The following DPH6 variants were observed in gnomAD, a reference collection of about 807,000 sequenced individuals.
DPH6 encodes the protein diphthine--ammonia ligase.
Under a neutral mutation model 38.2 loss-of-function variants are expected in DPH6, and 33 were observed. That is an observed-to-expected ratio of 0.86 (90% CI 0.65 to 1.15). The LOEUF (loss-of-function observed/expected upper bound fraction) is 1.15, where lower values mean the gene tolerates loss of function less well. Ranked by LOEUF, DPH6 falls within the 50% of genes most tolerant of loss-of-function variation. The pLI is 0.00. For synonymous variants in DPH6, 108 were observed against 103.0 expected, an observed-to-expected ratio of 1.05 and a Z score of -0.30; for missense variants, 325 against 320.0, an observed-to-expected ratio of 1.02 and a Z score of -0.12.
the DPH6 span, among the ~76,000 whole-genome samples, chr15:35,146,197 T>C: frequency 1.3e-5 from 2 of 152,136 alleles, no homozygotes; most frequent in African/African-American, 4.8e-5. Flanking sequence ...AAAGTAACGT[T>C]ACTTTTATGA....
At chr15:35,349,953 G>C (rs1358858600) in intron 3 of DPH6, among the ~76,000 whole-genome samples, 1 of 152,100 alleles carries the variant, frequency 6.6e-6, no homozygotes, top group Non-Finnish European at 1.5e-5. Context: ...TTTGGTATCA[G>C]GGTAATGCTG....
rs1174378002 is a variant in DPH6, at chr15:35,283,056, TC to T, written n.201-62475del. 41 of 171,110 alleles carry T rather than the reference TC, an allele frequency of 2.4e-4. No individual in the cohort carries two copies. The Admixed American group carries it at 2.6e-3, about 11-fold the overall frequency. 10.6% of individuals were successfully genotyped at this position (171,110 alleles called of 1,614,324 possible). A position where few individuals can be genotyped will look rare whatever the true frequency, so the allele number is the denominator to read the frequency against. On this transcript the variant is annotated intron_variant and non_coding_transcript_variant, in intron 3 of 3. Transcript: ENST00000560386. ...TCTTCTTCTTCTTCTTCCTTCTTCT[TC>T]CTTCTTCTTCTTCCTCTTCTTCTTC...
chr15:35,407,049 A>G (rs1364276546), intron 6 of DPH6, among the ~76,000 whole-genome samples: 1 of 152,036 alleles, frequency 6.6e-6, no homozygotes, highest in Non-Finnish European at 1.5e-5. Flanking sequence ...AGCCTCACAG[A>G]AGCCAATGGA....
At chr15:35,291,076 C>A (rs918708658) in intron 3 of DPH6, among the ~76,000 whole-genome samples, 6 of 151,996 alleles carry the variant, frequency 3.9e-5, no homozygotes, top group Non-Finnish European at 7.4e-5. Context: ...TCACCCACTG[C>A]CATTTTTTGT....
chr15:35,374,616 T>C (rs1036676579), intron 7 of DPH6, among the ~76,000 whole-genome samples: 1 of 152,126 alleles, frequency 6.6e-6, no homozygotes, highest in Non-Finnish European at 1.5e-5. Context: ...CCAATTATCA[T>C]TCATGAACCT....
At chr15:35,378,092 T>C (rs1444002429) in intron 7 of DPH6, among the ~76,000 whole-genome samples, 1 of 152,100 alleles carries the variant, frequency 6.6e-6, no homozygotes, top group Non-Finnish European at 1.5e-5. Flanking sequence ...ACAAAAAAGA[T>C]TCAATCGTGG....
At chr15:35,539,868 T>A (rs573034620) in intron 2 of DPH6, among the ~76,000 whole-genome samples, 18 of 152,036 alleles carry the variant, frequency 1.2e-4, no homozygotes, top group Non-Finnish European at 2.6e-4. Flanking sequence ...ACTCACACAT[T>A]GTTAGATTGG....
intron 5 of DPH6, among the ~76,000 whole-genome samples, chr15:35,432,083 T>C (rs11632343): frequency 0.34 from 51,155 of 152,082 alleles, 10,162 homozygotes; most frequent in African/African-American, 0.56. Context: ...CCTCAGGAGA[T>C]TCTAATGTGC....
chr15:35,270,043 C>T (rs1026343384), intron 3 of DPH6, among the ~76,000 whole-genome samples: 2 of 151,938 alleles, frequency 1.3e-5, no homozygotes, highest in African/African-American at 4.8e-5. Flanking sequence ...TCGTGATCCG[C>T]CCGCCTCGGC....
At chr15:35,520,231 A>C (rs995009474) in intron 3 of DPH6, 83 of 649,356 alleles carry the variant, frequency 1.3e-4, no homozygotes, top group East Asian at 5.9e-4. Flanking sequence ...AAAAAAAAAC[A>C]AAAAAAAAAC....
chr15:35,279,062 AAAAAAAATATAT>A (rs999546055), intron 3 of DPH6, among the ~76,000 whole-genome samples: 1 of 122,018 alleles, frequency 8.2e-6, no homozygotes, highest in African/African-American at 3.6e-5. Flanking sequence ...AAAAAAAAAA[AAAAAAAATATAT>A]ATATATATAT....
chr15:35,466,591 T>C (rs1260968947), intron 3 of DPH6, among the ~76,000 whole-genome samples: 1 of 152,186 alleles, frequency 6.6e-6, no homozygotes, highest in Admixed American at 6.5e-5. Flanking sequence ...TAGGACCATA[T>C]TGAAATGTAT....
At chr15:35,283,555 A>G (rs1437116669) in intron 3 of DPH6, among the ~76,000 whole-genome samples, 4 of 152,054 alleles carry the variant, frequency 2.6e-5, no homozygotes, top group African/African-American at 9.6e-5. Flanking sequence ...TTGGCCTCCC[A>G]AAGTGCTGGG....
chr15:35,400,439 G>A (rs1215489241), intron 6 of DPH6, among the ~76,000 whole-genome samples: 2 of 152,054 alleles, frequency 1.3e-5, no homozygotes, highest in Admixed American at 6.6e-5. Context: ...ATATTCCAGA[G>A]TGGAAAGTCA....
rs542003393 is a variant in DPH6, at chr15:35,353,105, C to T, written n.207+20416G>A. On this transcript the variant is annotated intron_variant and non_coding_transcript_variant, in intron 3 of 3. Coordinates refer to the DPH6 transcript ENST00000558973. ...TTGAGAAGTGTCTGTTCATGTCCTT[C>T]GCCCACTTTTTGATGGGGTTGTTTG... is the stretch of plus-strand genomic sequence containing the variant. Among the ~76,000 whole-genome samples, 69 of 152,246 alleles carry T rather than the reference C, an allele frequency of 4.5e-4. No individual in the cohort carries two copies. The South Asian group carries it at 4.6e-3, about 10-fold the overall frequency.
At chr15:35,285,872 GTTTT>G (rs67243158) in intron 3 of DPH6, among the ~76,000 whole-genome samples, 4 of 52,794 alleles carry the variant, frequency 7.6e-5, no homozygotes, top group Admixed American at 3.4e-4. Context: ...TTATCTTTGA[GTTTT>G]TTTTTTTTTT....
chr15:35,472,870 G>A (rs16961053), intron 3 of DPH6, among the ~76,000 whole-genome samples: 15,722 of 147,774 alleles, frequency 0.11, 1,216 homozygotes, highest in African/African-American at 0.23. Flanking sequence ...TAGCAAAGAC[G>A]TTCCAGAATA....
chr15:35,523,206 T>C (rs529927143), intron 3 of DPH6, among the ~76,000 whole-genome samples: 4 of 151,344 alleles, frequency 2.6e-5, no homozygotes, highest in Non-Finnish European at 4.4e-5. Flanking sequence ...TGTCAAAGTG[T>C]AGCTGCATTT....
chr15:35,526,252 A>G (rs1459952633), intron 3 of DPH6, among the ~76,000 whole-genome samples: 1 of 152,214 alleles, frequency 6.6e-6, no homozygotes, highest in East Asian at 1.9e-4. Flanking sequence ...ACCATGGGGC[A>G]TTTCAATGGC....
Sources: allele counts gnomAD v4.1 joint callset (sites outside exome capture counted in the v4.1 genomes callset), GRCh38; gene constraint gnomAD v4.1.1; transcripts MANE v1.5; gene names NCBI Gene and HGNC (gene_info 2026-07-23, HGNC 2026-07-21).